Variants in GGA2 observed in about 807,000 individuals in gnomAD.
The protein encoded by GGA2 is golgi associated, gamma adaptin ear containing, ARF binding protein 2, also known as ADP-ribosylation factor-binding protein GGA2.
Under a neutral mutation model 79.5 loss-of-function variants are expected in GGA2, and 48 were observed. That is an observed-to-expected ratio of 0.60 (90% CI 0.48 to 0.77). The LOEUF is 0.77. Among genes scored for constraint, GGA2 ranks in the 30% least tolerant of loss-of-function variants. The pLI is 0.00. For missense variants in GGA2, 770 were observed against 774.0 expected (o/e 0.99, Z 0.06); for synonymous variants, 317 against 302.0 (o/e 1.05, Z -0.51).
chr16:23,494,274 G>A (rs1365060679), intron 3 of GGA2, 29 bp downstream of exon 3: 1 of 1,439,030 alleles, frequency 6.9e-7, no homozygotes, highest in Admixed American at 1.7e-5. Flanking sequence ...GGACAGGAAA[G>A]GTTAGGCTAC....
chr16:23,478,037 T>TAA (rs373374099), intron 13 of GGA2, among the ~76,000 whole-genome samples: 64 of 140,104 alleles, frequency 4.6e-4, no homozygotes, highest in African/African-American at 1.5e-3. Context: ...TACTAAAAAT[T>TAA]AAAAAAAAAA....
At chr16:23,494,105 G>A (rs1964824047) in intron 3 of GGA2, 198 bp downstream of exon 3, 3 of 592,602 alleles carry the variant, frequency 5.1e-6, no homozygotes, top group Non-Finnish European at 9.0e-6. Context: ...ATGCTGCCCT[G>A]AAGAAACAGA....
intron 9 of GGA2, among the ~76,000 whole-genome samples, chr16:23,481,808 T>C (rs1443255962): frequency 6.6e-6 from 1 of 152,148 alleles, no homozygotes; most frequent in African/African-American, 2.4e-5. Context: ...GCAGAGGGCA[T>C]GCACATGCTA....
intron 1 of GGA2, chr16:23,501,627 A>G: frequency 3.9e-6 from 1 of 254,418 alleles, no homozygotes; most frequent in South Asian, 4.6e-5. Flanking sequence ...GGCTGTCAGC[A>G]TGAATTTCAT....
chr16:23,475,123 G>A (rs1237591775), intron 13 of GGA2, 62 bp from the exon 14 acceptor site: 5 of 1,056,870 alleles, frequency 4.7e-6, no homozygotes, highest in Non-Finnish European at 7.0e-6. Flanking sequence ...TGGAATCTGG[G>A]TTAGGCTTAT....
intron 11 of GGA2, among the ~76,000 whole-genome samples, chr16:23,479,241 C>T (rs1046563083): frequency 6.6e-6 from 1 of 152,032 alleles, no homozygotes; most frequent in African/African-American, 2.4e-5. Context: ...CAAAACCACC[C>T]TGATTCCCTC....
chr16:23,499,731 G>A (rs961209050), intron 1 of GGA2, among the ~76,000 whole-genome samples: 2 of 152,212 alleles, frequency 1.3e-5, no homozygotes, highest in Non-Finnish European at 2.9e-5. Flanking sequence ...CAAAGTGTTA[G>A]GATTACAGAT....
chr16:23,512,909 T>G (rs1313475958), upstream of GGA2, among the ~76,000 whole-genome samples: 2 of 152,026 alleles, frequency 1.3e-5, no homozygotes, highest in Non-Finnish European at 2.9e-5. Context: ...TTCACCAGGT[T>G]GGCCAGGCTG....
chr16:23,469,254 C>T (rs181486717), intron 15 of GGA2: 147 of 383,040 alleles, frequency 3.8e-4, no homozygotes, highest in African/African-American at 2.8e-3. Context: ...TGAGACGCAG[C>T]ATCAACAGCC....
chr16:23,495,927 C>A, intron 1 of GGA2, 149 bp from the exon 2 acceptor site: 1 of 539,064 alleles, frequency 1.9e-6, no homozygotes, highest in Admixed American at 3.0e-5. Context: ...ATTGTGCCTG[C>A]GCTGCCTACC....
At chr16:23,519,279 G>A (rs1227035851) in intron 2 of GGA2, among the ~76,000 whole-genome samples, 1 of 152,130 alleles carries the variant, frequency 6.6e-6, no homozygotes, top group Non-Finnish European at 1.5e-5. Flanking sequence ...CTAGGCTCAA[G>A]TGATCCACTG....
chr16:23,500,234 T>C (rs1964905693), intron 1 of GGA2, among the ~76,000 whole-genome samples: 1 of 152,210 alleles, frequency 6.6e-6, no homozygotes, highest in Admixed American at 6.5e-5. Context: ...CCTGCCAGCG[T>C]GCCTTTGCTG....
intron 1 of GGA2, among the ~76,000 whole-genome samples, chr16:23,496,759 C>T (rs919609754): frequency 8.5e-5 from 13 of 152,108 alleles, no homozygotes; most frequent in Middle Eastern, 3.2e-3. Flanking sequence ...GAGTTTGAGA[C>T]CAGCCTTGCC....
intron 1 of GGA2, among the ~76,000 whole-genome samples, chr16:23,507,292 A>C (rs570377149): frequency 6.6e-6 from 1 of 152,328 alleles, no homozygotes; most frequent in South Asian, 2.1e-4. Flanking sequence ...CTGCCCCCAA[A>C]AGCTGGAGCT....
chr16:23,474,652 A>AT (rs1396068721), intron 14 of GGA2, among the ~76,000 whole-genome samples: 1 of 151,788 alleles, frequency 6.6e-6, no homozygotes, highest in East Asian at 1.9e-4. Context: ...AGACAAGGCT[A>AT]TGTCGCCCAG....
chr16:23,515,937 T>C lies in GGA2; in HGVS notation c.61+3650A>G, dbSNP rs1442730143. Among the ~76,000 whole-genome samples, 3 of 151,754 alleles carry C rather than the reference T, an allele frequency of 2.0e-5. No homozygotes were observed. The East Asian group carries it at 5.8e-4, about 29-fold the overall frequency. On this transcript the variant is annotated intron_variant, in intron 2 of 5. Coordinates refer to the GGA2 transcript ENST00000569300. The stretch of plus-strand genomic sequence containing the variant: ...CACTTGCAGCCTCCAACTCCTGGGT[T>C]CAAGTATCCTTCCACCTCAGCCTCC...
At chr16:23,519,603 G>T in exon 2 of GGA2, 1 of 427,730 alleles carries the variant, frequency 2.3e-6, no homozygotes, top group Non-Finnish European at 4.7e-6. Context: ...GGCTAGGGCA[G>T]CTGTTGGCCA....
At chr16:23,490,985 G>A (rs1160803743) in intron 5 of GGA2, among the ~76,000 whole-genome samples, 2 of 152,146 alleles carry the variant, frequency 1.3e-5, no homozygotes, top group African/African-American at 4.8e-5. Flanking sequence ...TTTGAGCCCA[G>A]TAGTTTGAGA....
At chr16:23,487,521 C>A (rs1189012083) in intron 6 of GGA2, among the ~76,000 whole-genome samples, 1 of 152,198 alleles carries the variant, frequency 6.6e-6, no homozygotes, top group African/African-American at 2.4e-5. Context: ...CTTTATGACA[C>A]AACAGACCCT....
Sources: gnomAD v4.1 joint callset for allele counts (sites outside exome capture counted in the v4.1 genomes callset) on GRCh38, gnomAD v4.1.1 for gene constraint, MANE v1.5 for transcripts, NCBI Gene and HGNC (gene_info 2026-07-23, HGNC 2026-07-21) for gene names.